Variants in SH3PXD2A observed in about 807,000 individuals in gnomAD.
SH3PXD2A encodes SH3 and PX domain-containing protein 2A.
In SH3PXD2A, 32 loss-of-function variants were observed where a neutral mutation model predicts 115.2. The observed-to-expected ratio is 0.28, with a 90% confidence interval of 0.21 to 0.37. The LOEUF (loss-of-function observed/expected upper bound fraction) is 0.37, where lower values mean the gene tolerates loss of function less well. Among genes scored for constraint, SH3PXD2A ranks in the 10% least tolerant of loss-of-function variants. The pLI is 1.00. For synonymous variants in SH3PXD2A, 610 were observed against 629.1 expected (o/e 0.97, Z 0.45); for missense variants, 1,328 against 1,498.7 (o/e 0.89, Z 1.88).
Position 103,781,190 on chromosome 10 carries a change from T to C in SH3PXD2A, c.154-14021A>G, listed in dbSNP as rs892510238. On this transcript the variant is annotated intron_variant, in intron 2 of 14. Coordinates refer to ENST00000369774, the MANE Select transcript of SH3PXD2A (RefSeq NM_001394015.1). ...GCCTTGATATTTCCACTGTCCATCA[T>C]GGTATCCAACACATACCTGGACCTA... Among the ~76,000 whole-genome samples the C allele has an allele frequency of 2.0e-5, 3 of 152,358 alleles. No individual in the cohort carries two copies. The Middle Eastern group carries it at 0.01, about 518-fold the overall frequency.
chr10:103,796,808 G>A (rs972113188), intron 2 of SH3PXD2A, among the ~76,000 whole-genome samples: 8 of 150,498 alleles, frequency 5.3e-5, no homozygotes, highest in East Asian at 1.9e-4. Context: ...TCAGATAAAC[G>A]ACAAATAACG....
rs766669522 is a variant in SH3PXD2A at position 103,603,301 on chromosome 10, G to A, written c.1917C>T (p.Ser639=). 3.7e-6 allele frequency: 6 copies of A among 1,614,084 alleles called. No individual in the cohort carries two copies. The highest frequency in any genetic ancestry group is 1.3e-5 in the African/African-American group (1 of 75,050). ...AGCTGCCTGGGGAGTCGCTGTCCCC[G>A]GAGGAGCCTCTGGCTGACAGGGTGT... ...AEDTLSARGS[S]GDSDSPGSSS... is the part of the protein sequence containing the mutation. The change falls in exon 15 of 15, where the codon TCC becomes TCT. Residue 639 remains serine, a synonymous_variant. Transcript: ENST00000369774.
At chr10:103,807,119 C>T (rs1330372153) in intron 1 of SH3PXD2A, among the ~76,000 whole-genome samples, 1 of 152,192 alleles carries the variant, frequency 6.6e-6, no homozygotes, top group Non-Finnish European at 1.5e-5. Context: ...GCAAACCAGA[C>T]TTACAGCGCA....
intron 5 of SH3PXD2A, among the ~76,000 whole-genome samples, chr10:103,718,847 G>A (rs1208411380): frequency 6.6e-6 from 1 of 150,892 alleles, no homozygotes; most frequent in East Asian, 2.0e-4. Flanking sequence ...CACACTGCTA[G>A]GGACCAAATG....
At chr10:103,720,292 C>T (rs951547101) in intron 5 of SH3PXD2A, among the ~76,000 whole-genome samples, 11 of 152,356 alleles carry the variant, frequency 7.2e-5, no homozygotes, top group Admixed American at 5.9e-4. Context: ...CTGCTCTGTG[C>T]CAGGCTCATC....
intron 6 of SH3PXD2A, among the ~76,000 whole-genome samples, chr10:103,676,328 T>C (rs191047763): frequency 1.5e-4 from 23 of 152,220 alleles, no homozygotes; most frequent in Admixed American, 2.6e-4. Flanking sequence ...GGCCCTGGGT[T>C]ATGCAGTCAA....
Position 103,741,532 on chromosome 10 carries a change from T to C in SH3PXD2A, c.230-5724A>G, listed in dbSNP as rs140384234. ...TCTTCTCAAGGGGATCCCTGATTTATAGCAACAGGGTCAGCAGCCCCTTGG... is the reference window on the plus strand; with the variant it reads ...TCTTCTCAAGGGGATCCCTGATTTACAGCAACAGGGTCAGCAGCCCCTTGG... On this transcript the variant is annotated intron_variant, in intron 3 of 14. Coordinates refer to ENST00000369774, the MANE Select transcript of SH3PXD2A (RefSeq NM_001394015.1). Among the ~76,000 whole-genome samples, 3 of 152,286 alleles carry C rather than the reference T, an allele frequency of 2.0e-5. No homozygotes were observed. In the East Asian group the frequency reaches 5.8e-4, roughly 29 times the overall value.
intron 8 of SH3PXD2A, among the ~76,000 whole-genome samples, chr10:103,633,628 T>C (rs1361213473): frequency 6.9e-6 from 1 of 145,528 alleles, no homozygotes; most frequent in East Asian, 2.0e-4. Context: ...CTTGGGAGGC[T>C]GAGGCATGAG....
intron 5 of SH3PXD2A, among the ~76,000 whole-genome samples, chr10:103,712,861 G>A (rs1361075408): frequency 6.6e-6 from 1 of 152,210 alleles, no homozygotes; most frequent in Non-Finnish European, 1.5e-5. Flanking sequence ...CCCGTGTGGG[G>A]TGTGGACTTG....
chr10:103,810,478 G>A (rs1406487008), intron 1 of SH3PXD2A, among the ~76,000 whole-genome samples: 1 of 152,126 alleles, frequency 6.6e-6, no homozygotes, highest in African/African-American at 2.4e-5. Flanking sequence ...CTTCACACAG[G>A]AGGAAGATGA....
chr10:103,748,020 A>G (rs759320673), intron 3 of SH3PXD2A, among the ~76,000 whole-genome samples: 2 of 151,704 alleles, frequency 1.3e-5, no homozygotes, highest in Non-Finnish European at 2.9e-5. Flanking sequence ...CTCTTCATCA[A>G]CCTCCCACCA....
At chr10:103,715,835 A>G (rs1327648924) in intron 5 of SH3PXD2A, among the ~76,000 whole-genome samples, 1 of 152,212 alleles carries the variant, frequency 6.6e-6, no homozygotes, top group Non-Finnish European at 1.5e-5. Context: ...TTCCAGCTGC[A>G]CTGCCACACA....
At chr10:103,807,500 T>G (rs1249886277) in intron 1 of SH3PXD2A, among the ~76,000 whole-genome samples, 1 of 152,222 alleles carries the variant, frequency 6.6e-6, no homozygotes, top group South Asian at 2.1e-4. Flanking sequence ...ACCATGGGGC[T>G]GGGATCAGCT....
chr10:103,809,975 C>T, intron 1 of SH3PXD2A, among the ~76,000 whole-genome samples: 1 of 152,164 alleles, frequency 6.6e-6, no homozygotes, highest in Non-Finnish European at 1.5e-5. Context: ...AGGCATGAGC[C>T]ACCTCATCCG....
intron 7 of SH3PXD2A, among the ~76,000 whole-genome samples, chr10:103,662,353 C>CG (rs370957019): frequency 3.2e-4 from 3 of 9,508 alleles, no homozygotes; most frequent in East Asian, 5.7e-3. Context: ...GGGGGGGGGG[C>CG]GGGGGGGGAT....
chr10:103,709,484 G>A (rs973537018), intron 5 of SH3PXD2A, among the ~76,000 whole-genome samples: 8 of 152,184 alleles, frequency 5.3e-5, no homozygotes, highest in Non-Finnish European at 7.3e-5. Context: ...AGGCTGCTCC[G>A]ATGACTCCAG....
intron 1 of SH3PXD2A, among the ~76,000 whole-genome samples, chr10:103,852,716 CCT>C (rs1380217970): frequency 6.6e-6 from 1 of 152,226 alleles, no homozygotes; most frequent in Non-Finnish European, 1.5e-5. Flanking sequence ...TCCTCCTGCC[CCT>C]GTCTGTCCCA....
intron 8 of SH3PXD2A, among the ~76,000 whole-genome samples, chr10:103,639,070 G>A (rs532306968): frequency 1.5e-3 from 227 of 152,324 alleles, no homozygotes; most frequent in African/African-American, 5.2e-3. Context: ...TGAGAAGGGC[G>A]GCTGCTTGCA....
At chr10:103,782,295 A>G (rs1385460164) in intron 2 of SH3PXD2A, among the ~76,000 whole-genome samples, 1 of 152,242 alleles carries the variant, frequency 6.6e-6, no homozygotes, top group Admixed American at 6.5e-5. Flanking sequence ...AGAATCTTTT[A>G]GCAAGATTGC....
Sources: allele counts gnomAD v4.1 joint callset (sites outside exome capture counted in the v4.1 genomes callset), GRCh38; gene constraint gnomAD v4.1.1; transcripts MANE v1.5; gene names NCBI Gene and HGNC (gene_info 2026-07-23, HGNC 2026-07-21).